TRIM2: variants seen among roughly 807,000 people sequenced by gnomAD.
TRIM2 encodes the protein tripartite motif containing 2.
Under a neutral mutation model 75.2 loss-of-function variants are expected in TRIM2, and 20 were observed. That is an observed-to-expected ratio of 0.27 (90% confidence interval 0.19 to 0.39). TRIM2 has a LOEUF of 0.39. TRIM2 is among the 10% of genes least tolerant of loss of function. The pLI, the probability that TRIM2 is intolerant of heterozygous loss-of-function variation, is 1.00. For synonymous variants in TRIM2, 373 were observed against 388.3 expected, an observed-to-expected ratio of 0.96 and a Z score of 0.46; for missense variants, 660 against 990.8, an observed-to-expected ratio of 0.67 and a Z score of 4.48.
At chr4:153,211,488 CTTT>C (rs112668688) in intron 1 of TRIM2, among the ~76,000 whole-genome samples, 1,595 of 134,996 alleles carry the variant, frequency 0.012, 29 homozygotes, top group African/African-American at 0.044. Flanking sequence ...TTTTCTTTTT[CTTT>C]TTTTTTTTTT....
intron 6 of TRIM2, among the ~76,000 whole-genome samples, chr4:153,310,777 T>C (rs187115284): frequency 6.6e-6 from 1 of 152,296 alleles, no homozygotes; most frequent in African/African-American, 2.4e-5. Flanking sequence ...AAAACAAATA[T>C]TGCAAAATAA....
intron 3 of TRIM2, among the ~76,000 whole-genome samples, chr4:153,289,883 A>G (rs547018239): frequency 2.6e-5 from 4 of 152,270 alleles, no homozygotes; most frequent in Admixed American, 6.5e-5. Flanking sequence ...ATACACTTAT[A>G]TTTGCCCCAA....
intron 1 of TRIM2, among the ~76,000 whole-genome samples, chr4:153,241,128 T>G (rs1746459367): frequency 6.6e-6 from 1 of 152,168 alleles, no homozygotes; most frequent in Admixed American, 6.5e-5. Context: ...GTGTCACTCT[T>G]AAGTAGGTTA....
At chr4:153,278,644 C>T (rs1219859087) in intron 3 of TRIM2, among the ~76,000 whole-genome samples, 1 of 151,956 alleles carries the variant, frequency 6.6e-6, no homozygotes, top group Non-Finnish European at 1.5e-5. Flanking sequence ...ACCAAAAATA[C>T]AAAAATCAGC....
At chr4:153,288,537 T>A (rs1189760199) in intron 3 of TRIM2, among the ~76,000 whole-genome samples, 3 of 152,226 alleles carry the variant, frequency 2.0e-5, no homozygotes, top group Non-Finnish European at 4.4e-5. Flanking sequence ...TGTCTTTTTA[T>A]GGTTTGGTTA....
At chr4:153,176,575 T>C (rs1731456909) in intron 1 of TRIM2, among the ~76,000 whole-genome samples, 1 of 152,140 alleles carries the variant, frequency 6.6e-6, no homozygotes, top group Non-Finnish European at 1.5e-5. Flanking sequence ...TAAAATTATT[T>C]CCCAATAAGA....
In TRIM2 at chr4:153,312,762, G is replaced by A. The variant is rs535999019; in HGVS notation, c.1511-2723G>A. Among the ~76,000 whole-genome samples the A allele has an allele frequency of 8.5e-5, 13 of 152,214 alleles. No individual in the cohort carries two copies. In the East Asian group the frequency reaches 2.5e-3, roughly 29 times the overall value. ...GCTATAAAGACACATGCACACGTATGTTTATTGCGGCACTATTCACAACAG... is the reference window on the plus strand; with the variant it reads ...GCTATAAAGACACATGCACACGTATATTTATTGCGGCACTATTCACAACAG... On this transcript the variant is annotated intron_variant, in intron 6 of 11. Transcript: ENST00000338700.
rs1467833961 is a variant in TRIM2, at chr4:153,339,074, T to G, written c.*4108T>G. 1.0e-6 allele frequency: 1 copy of G among 985,820 alleles called. No homozygotes were observed. The highest frequency in any genetic ancestry group is 1.2e-6 in the Non-Finnish European group (1 of 829,908). 61.1% of individuals were successfully genotyped at this position (985,820 alleles called of 1,614,324 possible). ...ACTCTCTGACATTGATACTGATATA[T>G]TCTCGTCATTTGTTCTTTTATGAAT... On this transcript the variant is annotated 3_prime_UTR_variant, in exon 12 of 12. Coordinates refer to ENST00000338700, the MANE Select transcript of TRIM2 (RefSeq NM_015271.5).
intron 6 of TRIM2, among the ~76,000 whole-genome samples, chr4:153,301,894 A>G (rs2150173424): frequency 6.6e-6 from 1 of 152,334 alleles, no homozygotes; most frequent in African/African-American, 2.4e-5. Context: ...TTTGAAGTCA[A>G]TTTTGAAATA....
intron 1 of TRIM2, among the ~76,000 whole-genome samples, chr4:153,195,549 A>G (rs1242766149): frequency 6.6e-6 from 1 of 152,202 alleles, no homozygotes; most frequent in Non-Finnish European, 1.5e-5. Flanking sequence ...AATTGCTGGC[A>G]GCCACCAAAG....
chr4:153,180,038 G>A (rs1473718707), intron 1 of TRIM2, among the ~76,000 whole-genome samples: 1 of 152,164 alleles, frequency 6.6e-6, no homozygotes, highest in Non-Finnish European at 1.5e-5. Flanking sequence ...TATGTGAGCT[G>A]GTGAGAAGAT....
chr4:153,274,654 C>G (rs543111334), intron 2 of TRIM2, among the ~76,000 whole-genome samples: 1 of 152,112 alleles, frequency 6.6e-6, no homozygotes, highest in Non-Finnish European at 1.5e-5. Flanking sequence ...ATGAATGGAA[C>G]CTTGATTAAC....
chr4:153,255,615 A>G (rs1484463806), intron 1 of TRIM2, among the ~76,000 whole-genome samples: 1 of 152,200 alleles, frequency 6.6e-6, no homozygotes, highest in Non-Finnish European at 1.5e-5. Context: ...TAAACTTCTA[A>G]AGCAGAACAT....
intron 1 of TRIM2, among the ~76,000 whole-genome samples, chr4:153,183,523 G>A (rs531069698): frequency 1.3e-5 from 2 of 152,196 alleles, no homozygotes; most frequent in Non-Finnish European, 2.9e-5. Context: ...ATTGCCCAGA[G>A]GGCCATAGAC....
intron 1 of TRIM2, among the ~76,000 whole-genome samples, chr4:153,174,930 C>T (rs1311966581): frequency 6.6e-6 from 1 of 152,186 alleles, no homozygotes; most frequent in African/African-American, 2.4e-5. Context: ...TGCTTCCATT[C>T]GGGAGGCTTA....
intron 1 of TRIM2, among the ~76,000 whole-genome samples, chr4:153,182,011 C>T (rs1305590900): frequency 6.6e-6 from 1 of 152,200 alleles, no homozygotes; most frequent in African/African-American, 2.4e-5. Context: ...AACTCTGATG[C>T]TTTCTTCATA....
intron 1 of TRIM2, among the ~76,000 whole-genome samples, chr4:153,241,382 A>G (rs1025396588): frequency 6.6e-6 from 1 of 152,210 alleles, no homozygotes; most frequent in African/African-American, 2.4e-5. Flanking sequence ...GTGCTGCACC[A>G]TCGTTGGGGG....
At chr4:153,219,570 T>G (rs963717218) in intron 1 of TRIM2, among the ~76,000 whole-genome samples, 26 of 152,194 alleles carry the variant, frequency 1.7e-4, no homozygotes, top group African/African-American at 6.3e-4. Context: ...AAATATTATT[T>G]TAGAATTTTA....
upstream of TRIM2, among the ~76,000 whole-genome samples, chr4:153,152,908 T>G (rs1728857396): frequency 6.6e-6 from 1 of 152,292 alleles, no homozygotes; most frequent in Non-Finnish European, 1.5e-5. Context: ...CTCTGGAGAA[T>G]TCCTAGGTCA....
Sources: gnomAD v4.1 joint callset for allele counts (sites outside exome capture counted in the v4.1 genomes callset) on GRCh38, gnomAD v4.1.1 for gene constraint, MANE v1.5 for transcripts, NCBI Gene and HGNC (gene_info 2026-07-23, HGNC 2026-07-21) for gene names.